OTOA: variants seen among roughly 807,000 people sequenced by gnomAD.
The protein encoded by OTOA is cancer/testis antigen 108.
A neutral mutation model predicts 110.8 loss-of-function variants in OTOA; 70 were observed. The ratio of observed to expected loss-of-function variants is 0.63; its 90% CI spans 0.52 to 0.77. OTOA has a LOEUF of 0.77. Among genes scored for constraint, OTOA ranks in the 30% least tolerant of loss-of-function variants. The pLI is 0.00. For missense variants in OTOA, 917 were observed against 1,075.8 expected, an observed-to-expected ratio of 0.85 and a Z score of 2.06; for synonymous variants, 373 against 431.5, an observed-to-expected ratio of 0.86 and a Z score of 1.68.
chr16:21,723,996 C>T (rs1419271003), intron 18 of OTOA, among the ~76,000 whole-genome samples: 1 of 152,106 alleles, frequency 6.6e-6, no homozygotes, highest in African/African-American at 2.4e-5. Flanking sequence ...CTGTATTGCA[C>T]CCCTGGAGCT....
rs1899010678 is a variant in OTOA, at chr16:21,728,709, C to G, written c.2207+278C>G. Among the ~76,000 whole-genome samples, 3 of 152,080 alleles carry G rather than the reference C, an allele frequency of 2.0e-5. No individual in the cohort carries two copies. In the South Asian group the frequency reaches 6.2e-4, roughly 32 times the overall value. Reference sequence around the variant, plus strand: ...GTTCAAGCGATTCTCCTGCCTCAGCCTCCCGAGTAGCTGGGATTACAGGCA... The same window carrying G: ...GTTCAAGCGATTCTCCTGCCTCAGCGTCCCGAGTAGCTGGGATTACAGGCA... On this transcript the variant is annotated intron_variant, in intron 20 of 28. Transcript: ENST00000646100.
chr16:21,691,878 A>G (rs989273381), intron 9 of OTOA, among the ~76,000 whole-genome samples, 191 bp downstream of exon 9: 1 of 152,172 alleles, frequency 6.6e-6, no homozygotes, highest in Admixed American at 6.5e-5. Flanking sequence ...CAATTCGCAC[A>G]TGTGGAAGTC....
intron 1 of OTOA, among the ~76,000 whole-genome samples, chr16:21,665,742 C>T (rs1471542829): frequency 3.3e-5 from 5 of 152,046 alleles, no homozygotes; most frequent in African/African-American, 1.2e-4. Flanking sequence ...ATAGCTGTGC[C>T]TAAAATCTCA....
rs61085785 is a variant in OTOA at position 21,666,243 on chromosome 16, A to ATTTTTTTT, written c.-5+2022_-5+2029dup. Among the ~76,000 whole-genome samples the ATTTTTTTT allele has an allele frequency of 4.8e-3, 617 of 128,946 alleles. 9 individuals are homozygous for ATTTTTTTT. Among genetic ancestry groups the ATTTTTTTT allele is most frequent in the African/African-American group, 0.016 (534 of 33,906 alleles). 84.6% of individuals were successfully genotyped at this position (128,946 alleles called of 152,430 possible). A position where few individuals can be genotyped will look rare whatever the true frequency, so the allele number is the denominator to read the frequency against. ...TTTGGATTAATAGTCATGAAATGGC[A>ATTTTTTTT]TTTTTTTTTTTTTTTTTTGGTGGAA... On this transcript the variant is annotated intron_variant, in intron 1 of 28. Coordinates refer to ENST00000646100, the MANE Select transcript of OTOA (RefSeq NM_144672.4).
intron 28 of OTOA, among the ~76,000 whole-genome samples, chr16:21,757,574 C>T (rs1283104786): frequency 6.6e-6 from 1 of 152,266 alleles, no homozygotes; most frequent in African/African-American, 2.4e-5. Flanking sequence ...ATTTTAGCCG[C>T]TCCTTTGCAA....
intron 1 of OTOA, among the ~76,000 whole-genome samples, chr16:21,676,073 C>T (rs889675225): frequency 6.6e-6 from 1 of 152,054 alleles, no homozygotes; most frequent in African/African-American, 2.4e-5. Context: ...GCACCTGCCA[C>T]ATCCCTGGCA....
At chr16:21,707,426 C>A (rs935799143) in intron 12 of OTOA, among the ~76,000 whole-genome samples, 3 of 151,852 alleles carry the variant, frequency 2.0e-5, no homozygotes, top group African/African-American at 7.3e-5. Context: ...TTGTGGAAGA[C>A]AATTTTTTGG....
intron 28 of OTOA, among the ~76,000 whole-genome samples, chr16:21,759,726 C>A (rs1393070588): frequency 6.6e-6 from 1 of 151,956 alleles, no homozygotes; most frequent in Non-Finnish European, 1.5e-5. Context: ...TATGGTGAAA[C>A]CCCGTCTCTA....
At chr16:21,737,012 C>T (rs1899329232) in intron 22 of OTOA, among the ~76,000 whole-genome samples, 1 of 152,300 alleles carries the variant, frequency 6.6e-6, no homozygotes, top group African/African-American at 2.4e-5. Context: ...ACATTTCACT[C>T]CTGAGTCTGC....
intron 1 of OTOA, among the ~76,000 whole-genome samples, chr16:21,667,645 G>C (rs1361805551): frequency 6.6e-6 from 1 of 151,734 alleles, no homozygotes; most frequent in Admixed American, 6.6e-5. Flanking sequence ...TAAAAGAAGG[G>C]CTGGCAAGCT....
At chr16:21,684,759 ATTATTATTT>A (rs68184103) in intron 6 of OTOA, among the ~76,000 whole-genome samples, 24,388 of 92,068 alleles carry the variant, frequency 0.26, 2,599 homozygotes, top group Non-Finnish European at 0.35. Context: ...TATTATTATT[ATTATTATTT>A]TTTAGGTGGA....
chr16:21,685,556 C>T (rs1004428833), intron 7 of OTOA, among the ~76,000 whole-genome samples, 195 bp downstream of exon 7: 1 of 152,062 alleles, frequency 6.6e-6, no homozygotes, highest in Non-Finnish European at 1.5e-5. Flanking sequence ...AAATGAAGAG[C>T]CTTACAATTT....
intron 1 of OTOA, among the ~76,000 whole-genome samples, chr16:21,672,627 A>AAG (rs1350225215): frequency 2.6e-4 from 39 of 151,906 alleles, no homozygotes; most frequent in African/African-American, 9.2e-4. Flanking sequence ...CATCTCAAAA[A>AAG]AAAAAAAAAA....
rs946272862 is a variant in OTOA at position 21,684,183 on chromosome 16, T to C, written c.268-1047T>C. Among the ~76,000 whole-genome samples, 10 of 152,030 alleles carry C rather than the reference T, an allele frequency of 6.6e-5. 1 individual carries two copies. The highest frequency in any genetic ancestry group is 2.4e-4 in the African/African-American group (10 of 41,404). On this transcript the variant is annotated intron_variant, in intron 6 of 28. Coordinates refer to ENST00000646100, the MANE Select transcript of OTOA (RefSeq NM_144672.4). ...AATTCAAATTTAACTGAGCATCCTGTATTTTACCCAGCAACCCTAGTTAAG... is the reference window on the plus strand; with the variant it reads ...AATTCAAATTTAACTGAGCATCCTGCATTTTACCCAGCAACCCTAGTTAAG...
chr16:21,716,757 C>A, intron 14 of OTOA, 150 bp from the exon 15 acceptor site: 1 of 875,014 alleles, frequency 1.1e-6, no homozygotes, highest in East Asian at 2.4e-5. Context: ...TGTTTCCTCA[C>A]CTGTGAAATG....
At chr16:21,698,437 T>A (rs533817074) in intron 10 of OTOA, among the ~76,000 whole-genome samples, 2 of 152,304 alleles carry the variant, frequency 1.3e-5, no homozygotes, top group South Asian at 4.1e-4. Context: ...CCAATGACAC[T>A]AAAATCCCTT....
intron 5 of OTOA, among the ~76,000 whole-genome samples, chr16:21,681,345 C>A (rs895277115): frequency 6.6e-5 from 10 of 152,062 alleles, no homozygotes; most frequent in African/African-American, 2.2e-4. Flanking sequence ...AATCCCAGTA[C>A]TTTGGGAGGC....
intron 5 of OTOA, among the ~76,000 whole-genome samples, chr16:21,679,984 G>A (rs1966876062): frequency 6.6e-6 from 1 of 152,048 alleles, no homozygotes; most frequent in Non-Finnish European, 1.5e-5. Context: ...AGGTAGTGTG[G>A]AAACGCCAAT....
chr16:21,752,346 C>T (rs776602306), intron 25 of OTOA, 23 bp from the exon 26 acceptor site: 5 of 553,692 alleles, frequency 9.0e-6, no homozygotes, highest in South Asian at 1.8e-5. Context: ...ATATTATATC[C>T]CTCCCTCTTT....
Sources: allele counts gnomAD v4.1 joint callset (sites outside exome capture counted in the v4.1 genomes callset), GRCh38; gene constraint gnomAD v4.1.1; transcripts MANE v1.5; gene names NCBI Gene and HGNC (gene_info 2026-07-23, HGNC 2026-07-21).